Variants in PLCL1 observed in about 807,000 individuals in gnomAD.
PLCL1 encodes the protein inactive phospholipase C-like protein 1.
PLCL1 carries 41 observed loss-of-function variants against 84.4 expected under a neutral mutation model. The observed-to-expected ratio is 0.49, with a 90% CI of 0.38 to 0.63. The LOEUF (loss-of-function observed/expected upper bound fraction) is 0.63, where lower values mean the gene tolerates loss of function less well. Among genes scored for constraint, PLCL1 ranks in the 30% least tolerant of loss-of-function variants. The probability of loss-of-function intolerance (pLI) is 0.00; values close to 1 mark genes in which losing one functional copy is unlikely to be tolerated. For missense variants in PLCL1, 1,206 were observed against 1,367.8 expected (o/e 0.88, Z 1.87); for synonymous variants, 490 against 488.3 (o/e 1.00, Z -0.05).
intron 1 of PLCL1, among the ~76,000 whole-genome samples, chr2:197,903,577 G>A (rs1368137977): frequency 5.2e-5 from 7 of 134,008 alleles, no homozygotes; most frequent in African/African-American, 2.0e-4. Flanking sequence ...TCCTCCTCCC[G>A]GGTTCACGCC....
rs1296885159 is a variant in PLCL1 at position 198,084,946 on chromosome 2, A to G, written c.1429A>G (p.Lys477Glu). Residue 477 changes from lysine (K) to glutamate (E), a missense_variant, in exon 2 of 6, where the codon AAA becomes GAA. By Grantham distance (56) the Lys-to-Glu change is moderately conservative. Coordinates refer to ENST00000428675, the MANE Select transcript of PLCL1 (RefSeq NM_006226.4). ...SFRSVIEVINKFAFVASEYPL... is the reference protein window; with the variant it reads ...SFRSVIEVINEFAFVASEYPL... ...TCGAAGTGTCATAGAGGTAATAAAT[A>G]AATTTGCCTTTGTTGCTTCTGAATA... 2 of 1,613,952 alleles carry G rather than the reference A, an allele frequency of 1.2e-6. No homozygotes were observed. The highest frequency in any genetic ancestry group is 1.7e-6 in the Non-Finnish European group (2 of 1,179,984).
rs566059847 is a variant in PLCL1 at position 197,985,411 on chromosome 2, T to C, written c.241-98347T>C. 7.2e-5 allele frequency among the ~76,000 whole-genome samples: 11 copies of C among 152,320 alleles called. No individual in the cohort carries two copies. The South Asian group carries it at 2.3e-3, about 32-fold the overall frequency. On this transcript the variant is annotated intron_variant, in intron 1 of 5. Coordinates refer to ENST00000428675, the MANE Select transcript of PLCL1 (RefSeq NM_006226.4). ...CATTCCTGCATGGCAGTAGGCTGAA[T>C]TCTTACCCAGTTTAGTATCATCTGA...
chr2:198,092,275 C>T (rs1001039857), intron 3 of PLCL1, among the ~76,000 whole-genome samples: 4 of 152,140 alleles, frequency 2.6e-5, no homozygotes, highest in Non-Finnish European at 5.9e-5. Context: ...CTTCCCCAAC[C>T]TCACCTGCCT....
intron 5 of PLCL1, 71 bp from the exon 6 acceptor site, chr2:198,146,709 A>G: frequency 7.7e-7 from 1 of 1,293,984 alleles, no homozygotes; most frequent in Non-Finnish European, 1.1e-6. Context: ...GTAAGAACAT[A>G]GAGTGATGTC....
At chr2:197,870,052 C>T (rs1468905754) in intron 1 of PLCL1, among the ~76,000 whole-genome samples, 2 of 151,934 alleles carry the variant, frequency 1.3e-5, no homozygotes, top group Non-Finnish European at 1.5e-5. Context: ...TGGGCGGCCA[C>T]GAAGCATCAT....
chr2:198,061,785 G>T (rs1692209944), intron 1 of PLCL1, among the ~76,000 whole-genome samples: 1 of 152,062 alleles, frequency 6.6e-6, no homozygotes, highest in East Asian at 1.9e-4. Context: ...ATGTTTAGTA[G>T]AGATGGGGTT....
At chr2:197,945,035 A>G (rs528808071) in intron 1 of PLCL1, among the ~76,000 whole-genome samples, 10 of 152,254 alleles carry the variant, frequency 6.6e-5, no homozygotes, top group Non-Finnish European at 1.0e-4. Flanking sequence ...TAAAAACTAT[A>G]GAGTTGTACA....
intron 1 of PLCL1, among the ~76,000 whole-genome samples, chr2:197,965,718 T>C (rs1323811765): frequency 6.6e-6 from 1 of 152,192 alleles, no homozygotes; most frequent in Non-Finnish European, 1.5e-5. Context: ...TTTTGCTATA[T>C]CCCATAGGTT....
chr2:197,886,835 G>A (rs530569789), intron 1 of PLCL1, among the ~76,000 whole-genome samples: 4 of 152,268 alleles, frequency 2.6e-5, no homozygotes, highest in Admixed American at 6.5e-5. Context: ...GGTTTAGCTC[G>A]GGGCAGTAGG....
At chr2:198,107,730 G>C (rs575480838) in intron 5 of PLCL1, among the ~76,000 whole-genome samples, 3 of 151,892 alleles carry the variant, frequency 2.0e-5, no homozygotes, top group Non-Finnish European at 4.4e-5. Context: ...ATGTGATTGA[G>C]CAAATGCTGT....
chr2:198,083,487 T>C (rs191624893), intron 1 of PLCL1, among the ~76,000 whole-genome samples: 1 of 152,344 alleles, frequency 6.6e-6, no homozygotes, highest in Admixed American at 6.5e-5. Context: ...AAATCTGCTT[T>C]AATGAACAAA....
At chr2:197,851,281 C>T (rs1199093818) in intron 1 of PLCL1, among the ~76,000 whole-genome samples, 7 of 152,250 alleles carry the variant, frequency 4.6e-5, no homozygotes, top group Non-Finnish European at 7.4e-5. Flanking sequence ...ATAGGATTTC[C>T]GGAAACTTCA....
At chr2:197,989,753 G>A (rs1426686881) in intron 1 of PLCL1, among the ~76,000 whole-genome samples, 2 of 152,050 alleles carry the variant, frequency 1.3e-5, no homozygotes, top group Non-Finnish European at 2.9e-5. Context: ...GTTTTGGGAT[G>A]GATTACTTTC....
chr2:197,858,737 C>CT (rs1687376631), intron 1 of PLCL1, among the ~76,000 whole-genome samples: 1 of 152,152 alleles, frequency 6.6e-6, no homozygotes, highest in Admixed American at 6.6e-5. Context: ...AACTTAGCAG[C>CT]TTAGAACAGT....
chr2:198,059,379 A>T (rs1332431436), intron 1 of PLCL1, among the ~76,000 whole-genome samples: 1 of 152,166 alleles, frequency 6.6e-6, no homozygotes, highest in African/African-American at 2.4e-5. Flanking sequence ...TATTATCTGG[A>T]AACATCTGTT....
rs543187229 is a variant in PLCL1, at chr2:197,947,708, G to T, written c.241-136050G>T. On this transcript the variant is annotated intron_variant, in intron 1 of 5. Transcript: ENST00000428675. The stretch of plus-strand genomic sequence containing the variant: ...GGAAGATAGTCTGAAGATCTGCCAT[G>T]CAGAGTGATTATCCTCTGCTCTGAG... Among the ~76,000 whole-genome samples the T allele has an allele frequency of 3.9e-5, 6 of 152,262 alleles. No homozygotes were observed. The South Asian group carries it at 1.0e-3, about 26-fold the overall frequency.
In PLCL1 at chr2:198,085,386, T is replaced by A. The variant is rs765578073; in HGVS notation, c.1869T>A (p.Ile623=). The change falls in exon 2 of 6, where the codon ATT becomes ATA. Residue 623 remains isoleucine (I), a synonymous_variant. Transcript: ENST00000428675. This position sits in a 1 kb window ranked among gnomAD's most constrained non-coding sequence, Gnocchi z 5.3. Reference sequence around the variant, plus strand: ...TTAGTGAAACAGAGGCCAGCCGCATTGCAAATGAGTACCCAGAGGATTTTG... The same window carrying A: ...TTAGTGAAACAGAGGCCAGCCGCATAGCAAATGAGTACCCAGAGGATTTTG... The part of the protein sequence containing the change: ...CSFSETEASR[I]ANEYPEDFVN... 27 of 1,611,634 alleles carry A rather than the reference T, an allele frequency of 1.7e-5. No homozygotes were observed. Among genetic ancestry groups the A allele is most frequent in the Non-Finnish European group, 2.3e-5 (27 of 1,178,160 alleles).
At chr2:197,809,738 C>A (rs1324721868) in intron 1 of PLCL1, among the ~76,000 whole-genome samples, 1 of 151,552 alleles carries the variant, frequency 6.6e-6, no homozygotes, top group Admixed American at 6.6e-5. Context: ...AGAAAAAATA[C>A]CTGGGTCATA....
chr2:198,010,463 T>C (rs571730415), intron 1 of PLCL1, among the ~76,000 whole-genome samples: 9 of 152,172 alleles, frequency 5.9e-5, no homozygotes, highest in African/African-American at 2.2e-4. Context: ...GGTTATTACA[T>C]TGGTTAATTT....
Sources: gnomAD v4.1 joint callset for allele counts (sites outside exome capture counted in the v4.1 genomes callset) on GRCh38, gnomAD v4.1.1 for gene constraint, Gnocchi (gnomAD v3.1) non-coding constraint, MANE v1.5 for transcripts, NCBI Gene and HGNC (gene_info 2026-07-23, HGNC 2026-07-21) for gene names.